The following CACHD1 variants were observed in gnomAD, a reference collection of about 807,000 sequenced individuals.
CACHD1 encodes the protein VWFA and cache domain-containing protein 1.
A neutral mutation model predicts 138.7 loss-of-function variants in CACHD1; 71 were observed. That is an observed-to-expected ratio of 0.51 (90% CI 0.42 to 0.62). The LOEUF (loss-of-function observed/expected upper bound fraction) is 0.62. Among genes scored for constraint, CACHD1 ranks in the 20% least tolerant of loss-of-function variants. CACHD1 has a pLI of 0.00. For synonymous variants in CACHD1, 578 were observed against 591.5 expected (o/e 0.98, Z 0.33); for missense variants, 1,389 against 1,625.3 (o/e 0.85, Z 2.50).
At chr1:64,553,771 T>C (rs1646777161) in intron 2 of CACHD1, among the ~76,000 whole-genome samples, 1 of 152,142 alleles carries the variant, frequency 6.6e-6, no homozygotes, top group South Asian at 2.1e-4. Context: ...TTCCCTTGCA[T>C]TTTTTTGTTT....
At chr1:64,484,652 G>T (rs1646231466) in intron 1 of CACHD1, among the ~76,000 whole-genome samples, 1 of 152,222 alleles carries the variant, frequency 6.6e-6, no homozygotes, top group African/African-American at 2.4e-5. Flanking sequence ...CCTCTCGCCA[G>T]TTCCTGGCAA....
intron 2 of CACHD1, among the ~76,000 whole-genome samples, chr1:64,572,660 G>A (rs1324764708): frequency 6.6e-6 from 1 of 152,160 alleles, no homozygotes; most frequent in Non-Finnish European, 1.5e-5. Flanking sequence ...GCCTCCCCCT[G>A]TTCTCTGGCA....
intron 1 of CACHD1, among the ~76,000 whole-genome samples, chr1:64,533,233 A>G (rs893652299): frequency 6.6e-6 from 1 of 152,142 alleles, no homozygotes; most frequent in East Asian, 1.9e-4. Flanking sequence ...GTGCAGGCCT[A>G]TAGCCCCAGC....
In CACHD1 at chr1:64,500,544, C is replaced by T. The variant is rs192087746; in HGVS notation, c.198+29602C>T. Among the ~76,000 whole-genome samples, 240 of 152,092 alleles carry T rather than the reference C, an allele frequency of 1.6e-3. 1 individual carries two copies. Among genetic ancestry groups the T allele is most frequent in the African/African-American group, 5.6e-3 (234 of 41,476 alleles). The stretch of plus-strand genomic sequence containing the variant: ...ATAAAATCCAGTATTTAAGTTCATA[C>T]ACAAATTATAAGAATTAACCTACTG... On this transcript the variant is annotated intron_variant, in intron 1 of 26. Coordinates refer to ENST00000651257, the MANE Select transcript of CACHD1 (RefSeq NM_020925.4).
intron 19 of CACHD1, 28 bp downstream of exon 19, chr1:64,673,492 T>C: frequency 6.6e-7 from 1 of 1,510,898 alleles, no homozygotes; most frequent in South Asian, 1.1e-5. Flanking sequence ...CTTAACACTC[T>C]CATTTTTCCA....
intron 2 of CACHD1, 148 bp from the exon 3 acceptor site, chr1:64,582,008 A>G (rs1647016692): frequency 2.4e-6 from 2 of 835,404 alleles, no homozygotes; most frequent in East Asian, 5.4e-5. Context: ...CAACCCACAC[A>G]GGGGAATATG....
intron 1 of CACHD1, among the ~76,000 whole-genome samples, chr1:64,483,333 G>C (rs188570215): frequency 2.6e-5 from 4 of 152,268 alleles, no homozygotes; most frequent in Non-Finnish European, 5.9e-5. Flanking sequence ...GACTTCATTA[G>C]TTAATTCATT....
intron 7 of CACHD1, among the ~76,000 whole-genome samples, chr1:64,640,803 A>G (rs1648687111): frequency 6.6e-6 from 1 of 151,746 alleles, no homozygotes; most frequent in Non-Finnish European, 1.5e-5. Flanking sequence ...AAGAAGATGT[A>G]AAAGTCCAGC....
At chr1:64,592,329 T>A (rs1300701655) in intron 3 of CACHD1, among the ~76,000 whole-genome samples, 1 of 152,216 alleles carries the variant, frequency 6.6e-6, no homozygotes, top group Non-Finnish European at 1.5e-5. Context: ...GACATTGTAC[T>A]AGGTACTGTC....
intron 4 of CACHD1, among the ~76,000 whole-genome samples, chr1:64,605,028 G>A (rs187719074): frequency 2.5e-4 from 38 of 149,146 alleles, no homozygotes; most frequent in African/African-American, 8.0e-4. Flanking sequence ...GTGCAGTGAT[G>A]CAGTCTTGGC....
intron 3 of CACHD1, among the ~76,000 whole-genome samples, chr1:64,583,227 C>G (rs749280760): frequency 6.6e-6 from 1 of 152,098 alleles, no homozygotes; most frequent in African/African-American, 2.4e-5. Flanking sequence ...AGGGCATCCT[C>G]AAGTCATTTT....
At chr1:64,584,565 C>G (rs1472411161) in intron 3 of CACHD1, among the ~76,000 whole-genome samples, 1 of 152,048 alleles carries the variant, frequency 6.6e-6, no homozygotes. Flanking sequence ...TCCTTATTCC[C>G]TTTTGTCCCT....
intron 4 of CACHD1, among the ~76,000 whole-genome samples, chr1:64,627,134 T>C (rs1648124890): frequency 6.6e-6 from 1 of 152,132 alleles, no homozygotes; most frequent in South Asian, 2.1e-4. Context: ...GGGCTGGGCA[T>C]GGTGGCTTAT....
At chr1:64,503,246 G>A (rs1020657078) in intron 1 of CACHD1, among the ~76,000 whole-genome samples, 3 of 152,276 alleles carry the variant, frequency 2.0e-5, no homozygotes, top group African/African-American at 7.2e-5. Flanking sequence ...TGGAACAGCT[G>A]TGTTTTGGTA....
Position 64,566,490 on chromosome 1 carries a change from C to CCG in CACHD1, c.262-15666_262-15665insCG, listed in dbSNP as rs1557496485. On this transcript the variant is annotated intron_variant, in intron 2 of 26. Transcript: ENST00000651257. Reference sequence around the variant, plus strand: ...TGTATGTTTTCAATTCCCCCCCCCCCACAAGGTATGGGGGAAGTACTGCCT... The same window carrying CCG: ...TGTATGTTTTCAATTCCCCCCCCCCCCGACAAGGTATGGGGGAAGTACTGCCT... Among the ~76,000 whole-genome samples the CCG allele has an allele frequency of 2.1e-5, 3 of 143,338 alleles. 1 individual carries two copies. The highest frequency in any genetic ancestry group is 3.1e-5 in the Non-Finnish European group (2 of 63,704). 94.0% of individuals were successfully genotyped at this position (143,338 alleles called of 152,430 possible). A position where few individuals can be genotyped will look rare whatever the true frequency, so the allele number is the denominator to read the frequency against.
At chr1:64,647,683 A>C in intron 8 of CACHD1, 118 bp from the exon 9 acceptor site, 1 of 781,950 alleles carries the variant, frequency 1.3e-6, no homozygotes, top group South Asian at 1.8e-5. Flanking sequence ...GGTCTCTGCA[A>C]AAACCCCTTT....
At chr1:64,521,259 T>A (rs1646496124) in intron 1 of CACHD1, among the ~76,000 whole-genome samples, 1 of 152,210 alleles carries the variant, frequency 6.6e-6, no homozygotes, top group Admixed American at 6.5e-5. Context: ...CTATTTTGTG[T>A]CTTGCCCTGT....
At chr1:64,490,281 G>A (rs1020972235) in intron 1 of CACHD1, among the ~76,000 whole-genome samples, 1 of 152,188 alleles carries the variant, frequency 6.6e-6, no homozygotes, top group African/African-American at 2.4e-5. Context: ...ATGTCTCCTT[G>A]TGATGTTATA....
rs139320316 is a variant in CACHD1 at position 64,643,036 on chromosome 1, T to TAAAAAAAA, written c.1156+1095_1156+1102dup. On this transcript the variant is annotated intron_variant, in intron 8 of 26. Coordinates refer to ENST00000651257, the MANE Select transcript of CACHD1 (RefSeq NM_020925.4). ...CCTGGTGACAGAGCAAGACTCTGTC[T>TAAAAAAAA]AAAAAAAAAAAAAAAAAAAAAAAAA... 7.8e-4 allele frequency among the ~76,000 whole-genome samples: 26 copies of TAAAAAAAA among 33,354 alleles called. 3 individuals carry two copies. The highest frequency in any genetic ancestry group is 1.0e-3 in the African/African-American group (13 of 12,400). The allele number at this position is 33,354 out of a possible 152,430, so 21.9% of individuals were successfully genotyped here.
Sources: gnomAD v4.1 joint callset for allele counts (sites outside exome capture counted in the v4.1 genomes callset) on GRCh38, gnomAD v4.1.1 for gene constraint, MANE v1.5 for transcripts, NCBI Gene and HGNC (gene_info 2026-07-23, HGNC 2026-07-21) for gene names.